SLC7A14: variants seen among roughly 807,000 people sequenced by gnomAD.
The protein encoded by SLC7A14 is solute carrier family 7 member 14, also known as gamma-aminobutyric acid transporter SLC7A14.
A neutral mutation model predicts 60.2 loss-of-function variants in SLC7A14; 37 were observed. That is an observed-to-expected ratio of 0.61 (90% CI 0.47 to 0.81). The LOEUF is 0.81. Among genes scored for constraint, SLC7A14 ranks in the 30% least tolerant of loss-of-function variants. The pLI, the probability that SLC7A14 is intolerant of heterozygous loss-of-function variation, is 0.00. For synonymous variants in SLC7A14, 399 were observed against 395.8 expected, an observed-to-expected ratio of 1.01 and a Z score of -0.10; for missense variants, 886 against 982.7, an observed-to-expected ratio of 0.90 and a Z score of 1.32.
intron 1 of SLC7A14, among the ~76,000 whole-genome samples, chr3:170,548,838 G>A (rs1020870711): frequency 9.2e-5 from 14 of 152,106 alleles, no homozygotes; most frequent in African/African-American, 2.9e-4. Flanking sequence ...TTTTATTATA[G>A]CACTCTGCAC....
intron 2 of SLC7A14, among the ~76,000 whole-genome samples, chr3:170,505,567 T>C (rs549329569): frequency 6.6e-6 from 1 of 152,260 alleles, no homozygotes; most frequent in African/African-American, 2.4e-5. Context: ...TTGGGTGTAC[T>C]AGGGTAGAGA....
chr3:170,494,351 C>A (rs1712315402), intron 4 of SLC7A14, among the ~76,000 whole-genome samples: 1 of 152,214 alleles, frequency 6.6e-6, no homozygotes. Flanking sequence ...GACTTCTGAT[C>A]TTCTCTTAGG....
At chr3:170,483,255 A>G in intron 6 of SLC7A14, 59 bp downstream of exon 6, 1 of 1,581,422 alleles carries the variant, frequency 6.3e-7, no homozygotes, top group Middle Eastern at 2.0e-4. Flanking sequence ...CAGTGGGTAG[A>G]CATTCTCCCT....
At chr3:170,481,214 G>C in intron 6 of SLC7A14, 48 bp from the exon 7 acceptor site, 2 of 1,558,578 alleles carry the variant, frequency 1.3e-6, no homozygotes, top group Non-Finnish European at 1.7e-6. Flanking sequence ...TACAGTGACC[G>C]ATTCCAGTGC....
intron 5 of SLC7A14, among the ~76,000 whole-genome samples, chr3:170,484,168 T>A (rs764501593): frequency 6.6e-6 from 1 of 152,214 alleles, no homozygotes; most frequent in Non-Finnish European, 1.5e-5. Context: ...ACTGATTATA[T>A]GGCTGTCAGA....
In SLC7A14 at chr3:170,478,582, A is replaced by T. The variant is rs185106700; in HGVS notation, c.1993+1707T>A. Among the ~76,000 whole-genome samples, 299 of 152,242 alleles carry T rather than the reference A, an allele frequency of 2.0e-3. 1 individual carries two copies. The highest frequency in any genetic ancestry group is 3.5e-3 in the Non-Finnish European group (235 of 68,020). On this transcript the variant is annotated intron_variant, in intron 7 of 7. Transcript: ENST00000231706. ...ACATATGCCCTTTCCATTGGTTGCT[A>T]CTTTTTCCCCCACTTCTTTCTATCT...
At chr3:170,519,260 C>G (rs1713268362) in intron 2 of SLC7A14, among the ~76,000 whole-genome samples, 1 of 152,252 alleles carries the variant, frequency 6.6e-6, no homozygotes, top group Non-Finnish European at 1.5e-5. Context: ...TTGACCTCAG[C>G]AAACTGGAAG....
intron 1 of SLC7A14, among the ~76,000 whole-genome samples, chr3:170,574,938 A>G (rs1715050496): frequency 6.6e-6 from 1 of 152,204 alleles, no homozygotes; most frequent in African/African-American, 2.4e-5. Context: ...TATTCTCATC[A>G]ACTGAATGGA....
In SLC7A14 at chr3:170,459,880, T is replaced by G. The variant is rs545540308; in HGVS notation, c.*7175A>C. 18 of 152,338 alleles carry G rather than the reference T, an allele frequency of 1.2e-4. No individual in the cohort carries two copies. In the South Asian group the frequency reaches 3.7e-3, roughly 32 times the overall value. The allele number at this position is 152,338 out of a possible 1,614,324, so 9.4% of individuals were successfully genotyped here. ...ACACTTTTGTTTCTGACTTTCTTTA[T>G]AAACCCATTTTTAAATTTAAAGGCA... On this transcript the variant is annotated 3_prime_UTR_variant, in exon 8 of 8. Transcript: ENST00000231706.
At chr3:170,555,060 C>T (rs762616662) in intron 1 of SLC7A14, among the ~76,000 whole-genome samples, 19 of 151,748 alleles carry the variant, frequency 1.3e-4, no homozygotes, top group African/African-American at 4.4e-4. Flanking sequence ...CCCAGTTACT[C>T]GGGAGGCTCA....
chr3:170,560,471 A>G (rs1714616024), intron 1 of SLC7A14, among the ~76,000 whole-genome samples: 1 of 152,232 alleles, frequency 6.6e-6, no homozygotes. Context: ...AAGGAAGTCC[A>G]TATGGTCAGA....
chr3:170,561,807 C>A (rs555598316), intron 1 of SLC7A14, among the ~76,000 whole-genome samples: 1 of 152,100 alleles, frequency 6.6e-6, no homozygotes, highest in Non-Finnish European at 1.5e-5. Context: ...AAAAAACAAA[C>A]TATCCCTTCA....
chr3:170,560,630 C>G (rs891625046), intron 1 of SLC7A14, among the ~76,000 whole-genome samples: 2 of 152,166 alleles, frequency 1.3e-5, no homozygotes, highest in Non-Finnish European at 2.9e-5. Context: ...AGCATTGCCT[C>G]TCTATAGATC....
At chr3:170,570,513 A>G (rs1017940125) in intron 1 of SLC7A14, 1 of 149,300 alleles carries the variant, frequency 6.7e-6, no homozygotes, top group African/African-American at 2.5e-5. Context: ...AGTTTTCTGT[A>G]TATAAACTAG....
At chr3:170,485,846 C>A (rs1212105868) in intron 5 of SLC7A14, among the ~76,000 whole-genome samples, 4 of 152,190 alleles carry the variant, frequency 2.6e-5, no homozygotes, top group Non-Finnish European at 5.9e-5. Flanking sequence ...GACAGAAGAG[C>A]ATTGAGGAAA....
intron 7 of SLC7A14, among the ~76,000 whole-genome samples, chr3:170,472,677 G>T (rs1739950375): frequency 6.6e-6 from 1 of 151,500 alleles, no homozygotes. Context: ...TGAGGCAGGA[G>T]AATGGCGTGA....
chr3:170,467,849 T>C (rs1212877860), intron 7 of SLC7A14, among the ~76,000 whole-genome samples: 1 of 152,250 alleles, frequency 6.6e-6, no homozygotes, highest in African/African-American at 2.4e-5. Flanking sequence ...CTTATAAGAT[T>C]TGATTATTCT....
intron 7 of SLC7A14, among the ~76,000 whole-genome samples, chr3:170,475,332 A>G (rs1336769259): frequency 6.6e-6 from 1 of 152,218 alleles, no homozygotes; most frequent in East Asian, 1.9e-4. Context: ...GACTCAGCCT[A>G]ATCATGTAAA....
chr3:170,477,749 C>T (rs1160594727), intron 7 of SLC7A14, among the ~76,000 whole-genome samples: 1 of 152,134 alleles, frequency 6.6e-6, no homozygotes, highest in Non-Finnish European at 1.5e-5. Flanking sequence ...TGAAAATGTA[C>T]AATAACTGTA....
Sources: gnomAD v4.1 joint callset for allele counts (sites outside exome capture counted in the v4.1 genomes callset) on GRCh38, gnomAD v4.1.1 for gene constraint, MANE v1.5 for transcripts, NCBI Gene and HGNC (gene_info 2026-07-23, HGNC 2026-07-21) for gene names.